The following CHL1 variants were observed in gnomAD, a reference collection of about 807,000 sequenced individuals.
The protein encoded by CHL1 is cell adhesion molecule L1 like.
Under a neutral mutation model 141.9 loss-of-function variants are expected in CHL1, and 96 were observed. The observed-to-expected ratio is 0.68, with a 90% confidence interval of 0.57 to 0.80. The LOEUF (loss-of-function observed/expected upper bound fraction) is 0.80. Among genes scored for constraint, CHL1 ranks in the 30% least tolerant of loss-of-function variants. The pLI, the probability that CHL1 is intolerant of heterozygous loss-of-function variation, is 0.00. For synonymous variants in CHL1, 613 were observed against 502.2 expected (o/e 1.22, Z -2.95); for missense variants, 1,820 against 1,457.2 (o/e 1.25, Z -4.05).
At chr3:205,107 T>TCTTTC (rs1553567136) in intron 1 of CHL1, among the ~76,000 whole-genome samples, 1 of 134,476 alleles carries the variant, frequency 7.4e-6, no homozygotes, top group Admixed American at 7.6e-5. Context: ...TTTCTTTCTT[T>TCTTTC]TTTTTTTTTT....
At chr3:403,477 G>T (rs1262537957) in intron 27 of CHL1, among the ~76,000 whole-genome samples, 3 of 152,056 alleles carry the variant, frequency 2.0e-5, no homozygotes, top group Admixed American at 6.6e-5. Flanking sequence ...AACTCAGGAG[G>T]CGGAGGTTGC....
intron 2 of CHL1, among the ~76,000 whole-genome samples, chr3:277,829 A>C (rs1696289552): frequency 6.6e-6 from 1 of 152,242 alleles, no homozygotes; most frequent in South Asian, 2.1e-4. Context: ...CCAGTGACAC[A>C]TTCCTTTATT....
chr3:197,457 C>G, intron 1 of CHL1: 1 of 162,844 alleles, frequency 6.1e-6, no homozygotes, highest in East Asian at 1.7e-4. Flanking sequence ...AGATCTCCGC[C>G]CTCTCTCGGG....
chr3:237,057 A>G (rs924796748), intron 1 of CHL1, among the ~76,000 whole-genome samples: 2 of 152,094 alleles, frequency 1.3e-5, no homozygotes, highest in Non-Finnish European at 2.9e-5. Flanking sequence ...TTCTTTGCTG[A>G]TATCTCTCTA....
chr3:262,975 A>G (rs1188909660), intron 2 of CHL1, among the ~76,000 whole-genome samples: 1 of 152,184 alleles, frequency 6.6e-6, no homozygotes, highest in African/African-American at 2.4e-5. Context: ...ACAGCTTCCT[A>G]ATGACCTTGT....
chr3:326,137 C>G, intron 4 of CHL1, 73 bp downstream of exon 4: 3 of 869,902 alleles, frequency 3.4e-6, no homozygotes, highest in Non-Finnish European at 5.5e-6. Flanking sequence ...CTCTTACCAT[C>G]ACAAGCCTGT....
rs372540200 is a variant in CHL1 at position 382,527 on chromosome 3, C to G, written c.2032C>G (p.Leu678Val). 1.5e-5 allele frequency: 24 copies of G among 1,613,682 alleles called. No individual in the cohort carries two copies. The highest frequency in any genetic ancestry group is 1.8e-5 in the Non-Finnish European group (21 of 1,179,810). Residue 678 changes from leucine to valine, a missense_variant, in exon 18 of 28, where the codon CTG (leucine) becomes GTG (valine). Leu to Val is a conservative substitution (Grantham distance 32). Transcript: ENST00000256509. ...NKEEPGRWEE[L>V]TRVQGKKTTV... ...AGAAGAGCCTGGAAGGTGGGAGGAA[C>G]TGACCAGAGTCCAAGGAAAGAAAAC...
intron 1 of CHL1, among the ~76,000 whole-genome samples, chr3:202,094 T>C (rs1413313267): frequency 6.6e-6 from 1 of 152,188 alleles, no homozygotes; most frequent in Non-Finnish European, 1.5e-5. Flanking sequence ...AGCTTGCAGG[T>C]GTGTGGCATT....
chr3:336,875 GTA>G (rs1701907741), intron 5 of CHL1, among the ~76,000 whole-genome samples: 2 of 152,158 alleles, frequency 1.3e-5, no homozygotes, highest in Non-Finnish European at 2.9e-5. Flanking sequence ...GATAGTTGTG[GTA>G]ATAAGACTCC....
chr3:379,679 AT>A (rs1326579389), intron 16 of CHL1, among the ~76,000 whole-genome samples: 3 of 152,118 alleles, frequency 2.0e-5, no homozygotes, highest in African/African-American at 7.2e-5. Flanking sequence ...GGAACTATTA[AT>A]TTTTTTAATT....
rs755512754 is a variant in CHL1 at position 342,977 on chromosome 3, A to T, written c.680-7A>T. ...TTGTGTTTTTTCCTTCCGTTTTTTT[A>T]TTTCAGTAAAGCATGCTAATGACTC... On this transcript the variant is annotated splice_region_variant and splice_polypyrimidine_tract_variant and intron_variant, in intron 7 of 27. Transcript: ENST00000256509. 1 of 1,602,324 alleles carries T rather than the reference A, an allele frequency of 6.2e-7. No homozygotes were observed. The highest frequency in any genetic ancestry group is 8.5e-7 in the Non-Finnish European group (1 of 1,175,854).
In CHL1 at chr3:203,229, A is replaced by G. The variant is rs1038022669; in HGVS notation, c.-175+6166A>G. The stretch of plus-strand genomic sequence containing the variant: ...CCCTTGGACTTTGAACACCGCTTGT[A>G]TAAATATTTCATTTGGCCCAAAGAA... On this transcript the variant is annotated intron_variant, in intron 1 of 27. Coordinates refer to ENST00000256509, the MANE Select transcript of CHL1 (RefSeq NM_006614.4). Among the ~76,000 whole-genome samples the G allele has an allele frequency of 9.2e-5, 14 of 152,378 alleles. No individual in the cohort carries two copies. The East Asian group carries it at 1.5e-3, about 17-fold the overall frequency.
At chr3:373,364 C>G (rs1449206727) in intron 15 of CHL1, among the ~76,000 whole-genome samples, 1 of 151,924 alleles carries the variant, frequency 6.6e-6, no homozygotes, top group Non-Finnish European at 1.5e-5. Context: ...AGGGTCAGGC[C>G]TGAAAAGGCA....
intron 2 of CHL1, among the ~76,000 whole-genome samples, chr3:260,101 C>T (rs1339992424): frequency 6.6e-6 from 1 of 152,030 alleles, no homozygotes; most frequent in Non-Finnish European, 1.5e-5. Context: ...CCTGTCTCTA[C>T]TAAAAATACA....
intron 1 of CHL1, among the ~76,000 whole-genome samples, chr3:204,914 G>A (rs1699273663): frequency 6.6e-6 from 1 of 152,110 alleles, no homozygotes; most frequent in Non-Finnish European, 1.5e-5. Context: ...AAAGAAACAG[G>A]TTGTTAGCCC....
chr3:362,604 C>T (rs1335681247), intron 13 of CHL1, among the ~76,000 whole-genome samples: 3 of 147,724 alleles, frequency 2.0e-5, no homozygotes, highest in Middle Eastern at 3.2e-3. Context: ...CTACATGGAC[C>T]GCATCCACAG....
chr3:349,278 A>G, intron 9 of CHL1, 81 bp from the exon 10 acceptor site: 1 of 1,223,918 alleles, frequency 8.2e-7, no homozygotes, highest in South Asian at 1.4e-5. Flanking sequence ...GCACCCTGAT[A>G]AAGGATGTGT....
At chr3:317,720 TC>T (rs1700251779) in intron 2 of CHL1, among the ~76,000 whole-genome samples, 1 of 151,684 alleles carries the variant, frequency 6.6e-6, no homozygotes, top group African/African-American at 2.4e-5. Context: ...CTCAAAATTT[TC>T]ATATTAATAA....
In CHL1 at chr3:342,158, C is replaced by T. The variant is rs1227499813; in HGVS notation, c.679+76C>T. 3 of 1,353,010 alleles carry T rather than the reference C, an allele frequency of 2.2e-6. No individual in the cohort carries two copies. In the Admixed American group the frequency reaches 6.1e-5, roughly 27 times the overall value. 83.8% of individuals were successfully genotyped at this position (1,353,010 alleles called of 1,614,324 possible). A position where few individuals can be genotyped will look rare whatever the true frequency, so the allele number is the denominator to read the frequency against. The stretch of plus-strand genomic sequence containing the variant: ...TCTGTAATTTCCTTCTGGCTGAAGC[C>T]ATTTAAAGCTGGGTTGATATTTTGC... On this transcript the variant is annotated intron_variant, in intron 7 of 27. Coordinates refer to ENST00000256509, the MANE Select transcript of CHL1 (RefSeq NM_006614.4).
Sources: gnomAD v4.1 joint callset for allele counts (sites outside exome capture counted in the v4.1 genomes callset) on GRCh38, gnomAD v4.1.1 for gene constraint, MANE v1.5 for transcripts, NCBI Gene and HGNC (gene_info 2026-07-23, HGNC 2026-07-21) for gene names.